Variants in ZZZ3 observed in about 807,000 individuals in gnomAD.
The protein encoded by ZZZ3 is zinc finger ZZ-type containing 3, also known as ZZ-type zinc finger-containing protein 3.
A neutral mutation model predicts 95.2 loss-of-function variants in ZZZ3; 22 were observed. The ratio of observed to expected loss-of-function variants is 0.23; its 90% CI spans 0.17 to 0.33. ZZZ3 has a LOEUF of 0.33. ZZZ3 is among the 10% of genes least tolerant of loss of function. The pLI, the probability that ZZZ3 is intolerant of heterozygous loss-of-function variation, is 1.00. For synonymous variants in ZZZ3, 335 were observed against 358.9 expected, an observed-to-expected ratio of 0.93 and a Z score of 0.75; for missense variants, 885 against 1,066.5, an observed-to-expected ratio of 0.83 and a Z score of 2.37.
chr1:77,649,224 A>T (rs1237867033), intron 1 of ZZZ3, among the ~76,000 whole-genome samples: 1 of 152,196 alleles, frequency 6.6e-6, no homozygotes, highest in Admixed American at 6.5e-5. Context: ...TTAAAAATCA[A>T]TAATATAAAG....
intron 1 of ZZZ3, chr1:77,645,210 C>T (rs948018801): frequency 6.6e-6 from 1 of 151,960 alleles, no homozygotes; most frequent in African/African-American, 2.4e-5. Flanking sequence ...CCTGGGCAAC[C>T]AAGTGAAGCC....
intron 5 of ZZZ3, among the ~76,000 whole-genome samples, chr1:77,622,136 C>CAAAA (rs58597820): frequency 3.7e-5 from 3 of 81,870 alleles, no homozygotes; most frequent in African/African-American, 9.4e-5. Context: ...CTTGTCTCCA[C>CAAAA]AAAAAAAAAA....
At chr1:77,574,216 C>G (rs1052483688) in intron 12 of ZZZ3, among the ~76,000 whole-genome samples, 7 of 149,280 alleles carry the variant, frequency 4.7e-5, no homozygotes, top group Middle Eastern at 3.6e-3. Context: ...AAATAAAGAA[C>G]TGAAAAACAA....
At chr1:77,672,813 ACT>A (rs1345728829) in intron 1 of ZZZ3, among the ~76,000 whole-genome samples, 4 of 152,136 alleles carry the variant, frequency 2.6e-5, no homozygotes, top group Non-Finnish European at 5.9e-5. Context: ...TTTAGAAGTA[ACT>A]CTATAACCAT....
chr1:77,649,369 A>G (rs1191183730), intron 1 of ZZZ3, among the ~76,000 whole-genome samples: 1 of 152,156 alleles, frequency 6.6e-6, no homozygotes, highest in East Asian at 1.9e-4. Flanking sequence ...AAAGTTGTCA[A>G]CCAAAAATTC....
chr1:77,580,799 T>C (rs1406779560), intron 9 of ZZZ3, 199 bp downstream of exon 9: 1 of 474,840 alleles, frequency 2.1e-6, no homozygotes, highest in African/African-American at 2.0e-5. Context: ...ACCCGGCTAA[T>C]TTTTGTATTT....
At chr1:77,682,188 G>A (rs1207147175) in intron 1 of ZZZ3, among the ~76,000 whole-genome samples, 2 of 152,176 alleles carry the variant, frequency 1.3e-5, no homozygotes, top group Non-Finnish European at 2.9e-5. Flanking sequence ...GATGGGAGGA[G>A]TTCTGTTTCA....
At chr1:77,568,266 G>C in intron 13 of ZZZ3, 66 bp downstream of exon 13, 6 of 1,369,118 alleles carry the variant, frequency 4.4e-6, no homozygotes, top group Non-Finnish European at 6.0e-6. Flanking sequence ...GCAACAGAGT[G>C]AGACTCTGTC....
chr1:77,595,124 A>C (rs1431439635), intron 5 of ZZZ3, among the ~76,000 whole-genome samples: 1 of 152,040 alleles, frequency 6.6e-6, no homozygotes, highest in Non-Finnish European at 1.5e-5. Flanking sequence ...TATAACCAAC[A>C]TGCAGCACTA....
intron 4 of ZZZ3, 50 bp from the exon 5 acceptor site, chr1:77,633,455 C>A (rs960371906): frequency 3.2e-6 from 4 of 1,259,936 alleles, no homozygotes; most frequent in Non-Finnish European, 4.3e-6. Context: ...GTTAATATAC[C>A]CAGAACGAAA....
chr1:77,629,459 AT>A (rs940267886), intron 5 of ZZZ3, among the ~76,000 whole-genome samples: 1 of 152,114 alleles, frequency 6.6e-6, no homozygotes, highest in African/African-American at 2.4e-5. Flanking sequence ...CTCAATTAAA[AT>A]TACAAAAAAT....
chr1:77,672,354 G>A (rs972328821), intron 1 of ZZZ3, among the ~76,000 whole-genome samples: 17 of 152,210 alleles, frequency 1.1e-4, no homozygotes, highest in African/African-American at 3.6e-4. Context: ...CAGAGTTGGA[G>A]AAAATCTGCA....
intron 1 of ZZZ3, among the ~76,000 whole-genome samples, chr1:77,671,194 C>T (rs951679555): frequency 4.6e-5 from 7 of 152,136 alleles, no homozygotes; most frequent in African/African-American, 7.2e-5. Context: ...TCTTTTACCT[C>T]CCTGTATATG....
In ZZZ3 at chr1:77,642,993, C is replaced by T. The variant is rs541305108; in HGVS notation, c.-402-1338G>A. ...TTGGGATGCCAAGGCAGAAGGATCG[C>T]TTGAGCCTAGGAGTTTGAAACCACC... On this transcript the variant is annotated intron_variant, in intron 1 of 14. Coordinates refer to ENST00000370801, the MANE Select transcript of ZZZ3 (RefSeq NM_015534.6). Among the ~76,000 whole-genome samples, 11 of 152,124 alleles carry T rather than the reference C, an allele frequency of 7.2e-5. No individual in the cohort carries two copies. The East Asian group carries it at 2.1e-3, about 29-fold the overall frequency.
chr1:77,592,996 T>C (rs1194975393), intron 5 of ZZZ3, among the ~76,000 whole-genome samples: 2 of 152,230 alleles, frequency 1.3e-5, no homozygotes, highest in South Asian at 4.1e-4. Context: ...GAGCAATTTA[T>C]TGATCCAGAA....
At chr1:77,672,894 CAA>C (rs1396364843) in intron 1 of ZZZ3, among the ~76,000 whole-genome samples, 1 of 152,124 alleles carries the variant, frequency 6.6e-6, no homozygotes, top group Non-Finnish European at 1.5e-5. Context: ...GATGTTTCCC[CAA>C]AGTCAGACAT....
At chr1:77,638,223 C>T (rs1668464926) in intron 4 of ZZZ3, among the ~76,000 whole-genome samples, 1 of 152,154 alleles carries the variant, frequency 6.6e-6, no homozygotes, top group Non-Finnish European at 1.5e-5. Flanking sequence ...CGAATTTCAA[C>T]TTGTCCATTC....
chr1:77,605,100 T>G (rs377472118), intron 5 of ZZZ3, among the ~76,000 whole-genome samples: 1 of 152,202 alleles, frequency 6.6e-6, no homozygotes, highest in South Asian at 2.1e-4. Context: ...CTCACAGTAC[T>G]TGGTTTTAAC....
At chr1:77,601,780 AT>A (rs1664758457) in intron 5 of ZZZ3, among the ~76,000 whole-genome samples, 1 of 152,178 alleles carries the variant, frequency 6.6e-6, no homozygotes, top group African/African-American at 2.4e-5. Context: ...TCCTATAAGT[AT>A]TACTGCCCTC....
Sources: gnomAD v4.1 joint callset for allele counts (sites outside exome capture counted in the v4.1 genomes callset) on GRCh38, gnomAD v4.1.1 for gene constraint, MANE v1.5 for transcripts, NCBI Gene and HGNC (gene_info 2026-07-23, HGNC 2026-07-21) for gene names.